The following MYO3A variants were observed in gnomAD, a reference collection of about 807,000 sequenced individuals.
MYO3A encodes myosin IIIA.
In MYO3A, 180 loss-of-function variants were observed where a neutral mutation model predicts 192.7. The observed-to-expected ratio is 0.93, with a 90% CI of 0.83 to 1.06. MYO3A has a LOEUF of 1.06. MYO3A is among the 50% of genes least tolerant of loss of function. MYO3A has a pLI of 0.00. For missense variants in MYO3A, 1,896 were observed against 1,905.0 expected, an observed-to-expected ratio of 1.00 and a Z score of 0.09; for synonymous variants, 628 against 645.3, an observed-to-expected ratio of 0.97 and a Z score of 0.41.
chr10:26,120,647 G>A, intron 17 of MYO3A, 29 bp from the exon 18 acceptor site: 1 of 1,613,568 alleles, frequency 6.2e-7, no homozygotes, highest in Non-Finnish European at 8.5e-7. Flanking sequence ...AGGAAAGAAT[G>A]ATGCCAATGT....
intron 2 of MYO3A, among the ~76,000 whole-genome samples, chr10:25,948,370 T>A (rs1433738605): frequency 6.6e-6 from 1 of 152,164 alleles, no homozygotes; most frequent in East Asian, 1.9e-4. Flanking sequence ...GCTCAATATA[T>A]AATAAATCTA....
Position 26,171,064 on chromosome 10 carries a change from T to G in MYO3A, c.3398+525T>G, listed in dbSNP as rs115911455. On this transcript the variant is annotated intron_variant, in intron 29 of 34. Coordinates refer to ENST00000642920, the MANE Select transcript of MYO3A (RefSeq NM_017433.5). ...CTTATCCTCAAATTTCTCAGAGTAT[T>G]ACAGAAAAAACAGGACAGACAAACA... Among the ~76,000 whole-genome samples the G allele has an allele frequency of 2.0e-3, 307 of 152,272 alleles. 2 individuals are homozygous for G. The highest frequency in any genetic ancestry group is 6.9e-3 in the African/African-American group (288 of 41,546).
Position 26,070,407 on chromosome 10 carries a change from A to ATTTAT in MYO3A, c.1359+10_1359+14dup, listed in dbSNP as rs1310496633. 9 of 1,609,810 alleles carry ATTTAT rather than the reference A, an allele frequency of 5.6e-6. No homozygotes were observed. Among genetic ancestry groups the ATTTAT allele is most frequent in the Middle Eastern group, 1.7e-4 (1 of 6,058 alleles). ...AGCTGACAGTGCTTGGAAAGGTATA[A>ATTTAT]TTTATTTTTTTCTCTGTCCCATCAG... On this transcript the variant is annotated splice_region_variant and intron_variant, in intron 14 of 34. Transcript: ENST00000642920.
chr10:26,024,129 C>T (rs1217308432), intron 9 of MYO3A, 42 bp downstream of exon 9: 3 of 1,515,146 alleles, frequency 2.0e-6, no homozygotes, highest in South Asian at 2.2e-5. Flanking sequence ...GATATTCCCT[C>T]CTGCTATAAC....
chr10:26,071,080 G>T (rs888811371), intron 14 of MYO3A, among the ~76,000 whole-genome samples: 1 of 151,744 alleles, frequency 6.6e-6, no homozygotes, highest in Non-Finnish European at 1.5e-5. Flanking sequence ...GAAGGGCAAA[G>T]GAGCTAGAAT....
chr10:26,211,846 C>T lies in MYO3A; in HGVS notation c.4734C>T (p.Cys1578=). ...QNQCIKANER[C]WAAESPEKEE... Reference sequence around the variant, plus strand: ...GGGCCCTGGGTTTCACTTGCAGGTGCTGGGCGGCGGAGAGCCCCGAGAAGG... The same window carrying T: ...GGGCCCTGGGTTTCACTTGCAGGTGTTGGGCGGCGGAGAGCCCCGAGAAGG... The change falls in exon 35 of 35, where the codon TGC becomes TGT. Residue 1578 remains cysteine, a synonymous_variant. Transcript: ENST00000642920. 6.2e-7 allele frequency: 1 copy of T among 1,614,066 alleles called. No individual in the cohort carries two copies. Among genetic ancestry groups the T allele is most frequent in the Non-Finnish European group, 8.5e-7 (1 of 1,180,008 alleles).
At chr10:25,979,210 G>A (rs1239371441) in intron 4 of MYO3A, among the ~76,000 whole-genome samples, 2 of 152,116 alleles carry the variant, frequency 1.3e-5, no homozygotes, top group Non-Finnish European at 2.9e-5. Flanking sequence ...CAGAATTAGA[G>A]TACAGTGTTT....
Position 26,174,141 on chromosome 10 carries a change from T to C in MYO3A, c.3877T>C (p.Ser1293Pro), listed in dbSNP as rs1395857039. The change falls in exon 30 of 35, where the codon TCA becomes CCA. Residue 1293 changes from serine to proline, a missense_variant. Ser to Pro is a moderately conservative substitution (Grantham distance 74). Transcript: ENST00000642920. ...TTTGGAACCTACACTTAGCCAAAGG[T>C]CAATTTATCAAAATGCAAACAGCAT... The part of the protein sequence containing the change: ...KTLEPTLSQR[S>P]IYQNANSMEK... 1.1e-5 allele frequency: 18 copies of C among 1,614,036 alleles called. No homozygotes were observed. Among genetic ancestry groups the C allele is most frequent in the Non-Finnish European group, 1.4e-5 (17 of 1,180,036 alleles).
chr10:26,081,565 G>A (rs1170348671), intron 14 of MYO3A, among the ~76,000 whole-genome samples: 1 of 152,116 alleles, frequency 6.6e-6, no homozygotes, highest in African/African-American at 2.4e-5. Flanking sequence ...ACCCTCCCCC[G>A]AGTTGGGGCC....
chr10:25,988,056 C>T (rs533821287), intron 4 of MYO3A, among the ~76,000 whole-genome samples: 3 of 152,270 alleles, frequency 2.0e-5, no homozygotes, highest in Admixed American at 6.5e-5. Flanking sequence ...TCACAGCCAC[C>T]TGGATGGAAT....
chr10:26,166,539 A>G, intron 27 of MYO3A, among the ~76,000 whole-genome samples: 1 of 152,198 alleles, frequency 6.6e-6, no homozygotes, highest in Non-Finnish European at 1.5e-5. Context: ...CCCTGACTCT[A>G]AAGAAAAGTT....
chr10:26,178,194 C>T (rs1023610305), intron 31 of MYO3A, among the ~76,000 whole-genome samples: 2 of 152,172 alleles, frequency 1.3e-5, no homozygotes, highest in Non-Finnish European at 2.9e-5. Flanking sequence ...GAGTGTGGGG[C>T]AGAGAGGAGC....
intron 31 of MYO3A, among the ~76,000 whole-genome samples, chr10:26,188,391 A>C (rs183906005): frequency 1.3e-5 from 2 of 152,164 alleles, no homozygotes; most frequent in African/African-American, 4.8e-5. Flanking sequence ...TCTAGATATT[A>C]GCCCTTTGTC....
At chr10:26,156,255 C>A (rs978047203) in intron 25 of MYO3A, among the ~76,000 whole-genome samples, 1 of 152,310 alleles carries the variant, frequency 6.6e-6, no homozygotes, top group Admixed American at 6.5e-5. Context: ...AGAGCTTTGT[C>A]GGTTGCCAAT....
intron 14 of MYO3A, among the ~76,000 whole-genome samples, chr10:26,081,223 T>C (rs758041358): frequency 1.4e-5 from 2 of 147,820 alleles, no homozygotes; most frequent in Non-Finnish European, 3.0e-5. Context: ...AGACTCTCCT[T>C]GGGCGGGTCT....
At chr10:26,149,468 C>G (rs772904847) in intron 23 of MYO3A, among the ~76,000 whole-genome samples, 1 of 152,162 alleles carries the variant, frequency 6.6e-6, no homozygotes, top group Non-Finnish European at 1.5e-5. Context: ...CTCCTGACCT[C>G]AGGTGATCCA....
chr10:26,085,361 G>A (rs964140428), intron 14 of MYO3A, among the ~76,000 whole-genome samples: 2 of 151,438 alleles, frequency 1.3e-5, no homozygotes, highest in Admixed American at 6.6e-5. Context: ...TTATTTTGGA[G>A]CTTTCTTCTT....
At chr10:26,118,402 C>T (rs1588986610) in intron 17 of MYO3A, among the ~76,000 whole-genome samples, 1 of 151,404 alleles carries the variant, frequency 6.6e-6, no homozygotes, top group Admixed American at 6.6e-5. Context: ...TTCTGAAATA[C>T]ACCCTACATC....
chr10:26,067,757 C>A, intron 11 of MYO3A, among the ~76,000 whole-genome samples: 1 of 152,260 alleles, frequency 6.6e-6, no homozygotes, highest in African/African-American at 2.4e-5. Flanking sequence ...CTTTGTTCCA[C>A]GTAGTCAGAT....
Sources: gnomAD v4.1 joint callset for allele counts (sites outside exome capture counted in the v4.1 genomes callset) on GRCh38, gnomAD v4.1.1 for gene constraint, MANE v1.5 for transcripts, NCBI Gene and HGNC (gene_info 2026-07-23, HGNC 2026-07-21) for gene names.